NELL1: variants seen among roughly 807,000 people sequenced by gnomAD.
NELL1 encodes protein kinase C-binding protein NELL1.
A neutral mutation model predicts 107.4 loss-of-function variants in NELL1; 76 were observed. The observed-to-expected ratio is 0.71, with a 90% CI of 0.59 to 0.86. The LOEUF is 0.86. Among genes scored for constraint, NELL1 ranks in the 40% least tolerant of loss-of-function variants. The pLI is 0.00. For synonymous variants in NELL1, 353 were observed against 341.2 expected (o/e 1.03, Z -0.38); for missense variants, 1,024 against 1,005.5 (o/e 1.02, Z -0.25).
chr11:21,120,283 A>C (rs1855334757), intron 13 of NELL1, among the ~76,000 whole-genome samples: 1 of 152,168 alleles, frequency 6.6e-6, no homozygotes, highest in Non-Finnish European at 1.5e-5. Context: ...AGGTCTCTGG[A>C]ATATGCTTTA....
At chr11:21,554,072 GTTT>G (rs1385250387) in intron 16 of NELL1, among the ~76,000 whole-genome samples, 1 of 151,754 alleles carries the variant, frequency 6.6e-6, no homozygotes, top group African/African-American at 2.4e-5. Context: ...GTAAAACTCT[GTTT>G]AAACAGCAAG....
rs573412091 is a variant in NELL1, at chr11:21,050,794, C to G, written c.1301-62795C>G. ...GACTCTAGGACCACAAAGATTCCAC[C>G]TGATTCTGATACTCTGTAATTCTGA... On this transcript the variant is annotated intron_variant, in intron 12 of 19. Coordinates refer to ENST00000357134, the MANE Select transcript of NELL1 (RefSeq NM_006157.5). Among the ~76,000 whole-genome samples the G allele has an allele frequency of 5.3e-5, 8 of 152,210 alleles. No individual in the cohort carries two copies. The East Asian group carries it at 9.7e-4, about 18-fold the overall frequency.
rs1850586816 is a variant in NELL1, at chr11:20,930,072, C to T, written c.997+1593C>T. ...AGTTCCTGCATAGATCTCTGAATGC[C>T]ATCTCTTGAAAGTTGTTGTTTGGAC... On this transcript the variant is annotated intron_variant, in intron 9 of 19. Coordinates refer to ENST00000357134, the MANE Select transcript of NELL1 (RefSeq NM_006157.5). Among the ~76,000 whole-genome samples, 5 of 151,896 alleles carry T rather than the reference C, an allele frequency of 3.3e-5. 1 individual carries two copies. In the South Asian group the frequency reaches 6.2e-4, roughly 19 times the overall value.
chr11:21,175,980 T>C (rs1053111827), intron 13 of NELL1, among the ~76,000 whole-genome samples: 2 of 151,754 alleles, frequency 1.3e-5, no homozygotes, highest in Admixed American at 1.3e-4. Context: ...GTCTGCCATG[T>C]TTACTCCAGG....
intron 16 of NELL1, among the ~76,000 whole-genome samples, chr11:21,546,404 T>G (rs776812729): frequency 2.6e-5 from 4 of 151,966 alleles, no homozygotes; most frequent in Non-Finnish European, 4.4e-5. Context: ...AATTCAGAGA[T>G]CATCATTGAT....
intron 2 of NELL1, among the ~76,000 whole-genome samples, chr11:20,755,819 G>A (rs374816416): frequency 0.013 from 1,842 of 147,054 alleles, 33 homozygotes; most frequent in African/African-American, 0.045. Flanking sequence ...GCATCCCAAA[G>A]TGCTGGGATT....
intron 12 of NELL1, among the ~76,000 whole-genome samples, chr11:21,100,412 A>G (rs994638770): frequency 5.3e-5 from 8 of 152,144 alleles, no homozygotes; most frequent in Admixed American, 6.5e-5. Context: ...CTTTTTTATC[A>G]CTGGATACAG....
intron 12 of NELL1, among the ~76,000 whole-genome samples, chr11:21,059,750 G>A (rs535251188): frequency 6.6e-4 from 100 of 152,162 alleles, no homozygotes; most frequent in Non-Finnish European, 1.1e-3. Context: ...TTTGCCTTTC[G>A]CTACTGCATC....
intron 12 of NELL1, among the ~76,000 whole-genome samples, chr11:21,008,792 A>G (rs1852384862): frequency 6.6e-6 from 1 of 152,136 alleles, no homozygotes; most frequent in South Asian, 2.1e-4. Context: ...CAGCTCTTCT[A>G]GTAACTCATT....
intron 5 of NELL1, among the ~76,000 whole-genome samples, chr11:20,905,398 A>G (rs559562058): frequency 6.6e-6 from 1 of 152,300 alleles, no homozygotes; most frequent in Non-Finnish European, 1.5e-5. Flanking sequence ...AGAGGAAAGT[A>G]TTGTCATTCA....
chr11:21,026,173 A>T (rs1362713807), intron 12 of NELL1, among the ~76,000 whole-genome samples: 3 of 152,114 alleles, frequency 2.0e-5, no homozygotes, highest in African/African-American at 7.2e-5. Flanking sequence ...AAATCAGATC[A>T]TGTTATTCTT....
intron 15 of NELL1, among the ~76,000 whole-genome samples, chr11:21,508,807 T>A (rs1332124262): frequency 2.2e-5 from 3 of 136,910 alleles, no homozygotes; most frequent in Admixed American, 6.9e-5. Flanking sequence ...GAAAAAAAAA[T>A]GTTAGATATA....
intron 15 of NELL1, among the ~76,000 whole-genome samples, chr11:21,385,461 G>A (rs530584899): frequency 3.7e-4 from 56 of 151,924 alleles, no homozygotes; most frequent in African/African-American, 1.3e-3. Context: ...TGTAGCCAGA[G>A]TTATCCTTGA....
intron 2 of NELL1, among the ~76,000 whole-genome samples, chr11:20,695,388 C>T (rs998119662): frequency 6.6e-6 from 1 of 152,068 alleles, no homozygotes; most frequent in Non-Finnish European, 1.5e-5. Context: ...AAGGGGAATG[C>T]TCCCAGCTTT....
At chr11:21,257,941 G>C (rs1858811466) in intron 14 of NELL1, among the ~76,000 whole-genome samples, 1 of 151,974 alleles carries the variant, frequency 6.6e-6, no homozygotes, top group Non-Finnish European at 1.5e-5. Flanking sequence ...TCCTCAATCT[G>C]ATCCTGGCAG....
intron 18 of NELL1, among the ~76,000 whole-genome samples, chr11:21,571,876 C>T (rs1002091921): frequency 6.6e-6 from 1 of 151,714 alleles, no homozygotes. Flanking sequence ...GCTGTGTGTC[C>T]GTAATTTAAC....
intron 5 of NELL1, among the ~76,000 whole-genome samples, chr11:20,911,114 T>C (rs1346406126): frequency 6.6e-6 from 1 of 152,220 alleles, no homozygotes; most frequent in Non-Finnish European, 1.5e-5. Context: ...CTATTCCAGC[T>C]TGATGAGTGT....
chr11:21,351,386 A>T (rs1850811730), intron 14 of NELL1, among the ~76,000 whole-genome samples: 1 of 152,108 alleles, frequency 6.6e-6, no homozygotes, highest in Admixed American at 6.6e-5. Context: ...GTCATCAGGT[A>T]ATTACAAGGC....
At chr11:20,843,055 A>C (rs1055362249) in intron 3 of NELL1, among the ~76,000 whole-genome samples, 1 of 152,066 alleles carries the variant, frequency 6.6e-6, no homozygotes, top group Admixed American at 6.6e-5. Context: ...TATTTTTTTC[A>C]TCATCTTTAG....
Sources: allele counts gnomAD v4.1 joint callset (sites outside exome capture counted in the v4.1 genomes callset), GRCh38; gene constraint gnomAD v4.1.1; transcripts MANE v1.5; gene names NCBI Gene and HGNC (gene_info 2026-07-23, HGNC 2026-07-21).